ANAPC10: variants seen among roughly 807,000 people sequenced by gnomAD.
ANAPC10 encodes anaphase promoting complex subunit 10.
A neutral mutation model predicts 22.0 loss-of-function variants in ANAPC10; 12 were observed. That is an observed-to-expected ratio of 0.55 (90% CI 0.35 to 0.88). The LOEUF is 0.88. Ranked by LOEUF, ANAPC10 falls within the 40% of genes least tolerant of loss-of-function variation. The pLI is 0.01. For synonymous variants in ANAPC10, 65 were observed against 69.5 expected (o/e 0.94, Z 0.32); for missense variants, 188 against 220.9 (o/e 0.85, Z 0.94).
intron 4 of ANAPC10, among the ~76,000 whole-genome samples, chr4:145,050,546 T>C (rs1740956534): frequency 1.3e-5 from 2 of 152,358 alleles, no homozygotes; most frequent in East Asian, 1.9e-4. Context: ...TCTCTAATCT[T>C]AGCTGGCATC....
At chr4:145,053,227 C>A (rs181388817) in intron 4 of ANAPC10, among the ~76,000 whole-genome samples, 17 of 152,252 alleles carry the variant, frequency 1.1e-4, no homozygotes, top group Admixed American at 9.8e-4. Context: ...ATTCACATAG[C>A]TACTCAGGAA....
chr4:144,995,735 C>A, intron 4 of ANAPC10, 132 bp from the exon 5 acceptor site: 1 of 662,724 alleles, frequency 1.5e-6, no homozygotes, highest in Non-Finnish European at 2.5e-6. Context: ...TGATAATAAT[C>A]ACTACCAGTT....
At chr4:145,054,654 C>CGT (rs1176861893) in intron 4 of ANAPC10, among the ~76,000 whole-genome samples, 4 of 142,068 alleles carry the variant, frequency 2.8e-5, no homozygotes, top group Non-Finnish European at 6.1e-5. Context: ...CGCGCGCGCG[C>CGT]GTGCGTGCAG....
chr4:145,062,709 T>C (rs1352308904), intron 4 of ANAPC10, among the ~76,000 whole-genome samples: 3 of 152,090 alleles, frequency 2.0e-5, no homozygotes, highest in African/African-American at 7.2e-5. Context: ...GTCAGCAAGA[T>C]GGCACTCCCA....
chr4:145,057,882 G>T lies in ANAPC10; in HGVS notation c.327+6690C>A, dbSNP rs1742302229. Among the ~76,000 whole-genome samples, 4 of 152,022 alleles carry T rather than the reference G, an allele frequency of 2.6e-5. No homozygotes were observed. In the South Asian group the frequency reaches 8.3e-4, roughly 32 times the overall value. On this transcript the variant is annotated intron_variant, in intron 4 of 4. Transcript: ENST00000507656. ...TACCCCAGGTAGCAATCAGTCACAA[G>T]TCCTTTTAATTTATTTCAAATATAG...
intron 4 of ANAPC10, among the ~76,000 whole-genome samples, chr4:145,056,600 C>T (rs1364469341): frequency 6.6e-6 from 1 of 152,112 alleles, no homozygotes; most frequent in South Asian, 2.1e-4. Flanking sequence ...TTCTGGCGAC[C>T]ACTGAAGGGA....
At chr4:145,025,838 T>C (rs1347948077) in intron 4 of ANAPC10, among the ~76,000 whole-genome samples, 4 of 152,048 alleles carry the variant, frequency 2.6e-5, no homozygotes, top group Non-Finnish European at 4.4e-5. Flanking sequence ...TAAAATGAGG[T>C]ATGTCTGTAG....
At chr4:145,018,836 G>A (rs1560830219) in intron 4 of ANAPC10, among the ~76,000 whole-genome samples, 1 of 152,080 alleles carries the variant, frequency 6.6e-6, no homozygotes, top group East Asian at 1.9e-4. Flanking sequence ...AGCAATGGCA[G>A]TTAAAAAAGA....
At chr4:145,052,891 A>C (rs2126333749) in intron 4 of ANAPC10, among the ~76,000 whole-genome samples, 1 of 151,762 alleles carries the variant, frequency 6.6e-6, no homozygotes, top group East Asian at 1.9e-4. Context: ...CTGTCTCAAA[A>C]AAAAAAAAAA....
intron 2 of ANAPC10, among the ~76,000 whole-genome samples, chr4:145,095,130 T>G (rs912313439): frequency 1.3e-5 from 2 of 152,146 alleles, no homozygotes; most frequent in African/African-American, 2.4e-5. Flanking sequence ...TTCAGTGCAT[T>G]AGAATTAAAA....
chr4:145,053,739 T>G (rs1741470616), intron 4 of ANAPC10: 1 of 648,978 alleles, frequency 1.5e-6, no homozygotes, highest in Non-Finnish European at 2.8e-6. Flanking sequence ...ATCCTGAGAC[T>G]TGAAGATTCA....
rs779611589 is a variant in ANAPC10, at chr4:145,096,039, T to C, written c.61A>G (p.Thr21Ala). Residue 21 changes from threonine (T) to alanine (A), a missense_variant, in exon 2 of 5, where the codon ACA (threonine) becomes GCA (alanine). Transcript: ENST00000507656. ...GCTTGTGACCCAATTTCCCGTACTG[T>C]TCCAGTCCTTTCCAACTGCTTGGGG... is the stretch of plus-strand genomic sequence containing the variant. ...ADPKQLERTG[T>A]VREIGSQAVW... is the part of the protein sequence containing the mutation. The C allele has an allele frequency of 6.2e-7, 1 of 1,614,150 alleles. No homozygotes were observed. Among genetic ancestry groups the C allele is most frequent in the South Asian group, 1.1e-5 (1 of 91,082 alleles).
chr4:145,052,045 C>T (rs779961668), intron 4 of ANAPC10, among the ~76,000 whole-genome samples: 2 of 152,036 alleles, frequency 1.3e-5, no homozygotes, highest in Non-Finnish European at 2.9e-5. Flanking sequence ...CTCATTTATA[C>T]ACGGAATCTA....
intron 4 of ANAPC10, among the ~76,000 whole-genome samples, chr4:145,018,122 A>AT (rs1553965065): frequency 1.5e-3 from 121 of 79,166 alleles, no homozygotes; most frequent in Non-Finnish European, 3.1e-3. Flanking sequence ...TATAATAAAA[A>AT]AAATATATAT....
chr4:145,070,934 G>A (rs1404766615), intron 3 of ANAPC10, among the ~76,000 whole-genome samples: 1 of 152,156 alleles, frequency 6.6e-6, no homozygotes, highest in Non-Finnish European at 1.5e-5. Context: ...CAGGTCCCCA[G>A]AACAGTGAAA....
At chr4:145,007,842 G>T (rs1426415385) in intron 4 of ANAPC10, among the ~76,000 whole-genome samples, 1 of 133,798 alleles carries the variant, frequency 7.5e-6, no homozygotes, top group Non-Finnish European at 1.5e-5. Flanking sequence ...AGAATTGAAG[G>T]ACACAGAGAC....
At chr4:145,050,739 C>T (rs1428809278) in intron 4 of ANAPC10, among the ~76,000 whole-genome samples, 4 of 152,168 alleles carry the variant, frequency 2.6e-5, no homozygotes, top group Non-Finnish European at 5.9e-5. Context: ...GAACCAACCT[C>T]GGCTAGTTTC....
intron 4 of ANAPC10, among the ~76,000 whole-genome samples, chr4:145,063,799 G>A (rs1346303940): frequency 6.6e-6 from 1 of 152,090 alleles, no homozygotes; most frequent in Non-Finnish European, 1.5e-5. Flanking sequence ...ATGAAGCAGT[G>A]ACACATTCAA....
At chr4:145,027,992 C>T (rs1737001939) in intron 4 of ANAPC10, among the ~76,000 whole-genome samples, 1 of 151,896 alleles carries the variant, frequency 6.6e-6, no homozygotes, top group African/African-American at 2.4e-5. Flanking sequence ...GAAGCAGACA[C>T]CAAGACAGGG....
Sources: allele counts gnomAD v4.1 joint callset (sites outside exome capture counted in the v4.1 genomes callset), GRCh38; gene constraint gnomAD v4.1.1; transcripts MANE v1.5; gene names NCBI Gene and HGNC (gene_info 2026-07-23, HGNC 2026-07-21).